ZC3H12B: variants seen among roughly 807,000 people sequenced by gnomAD.
ZC3H12B encodes the protein zinc finger CCCH-type containing 12B.
Under a neutral mutation model 43.9 loss-of-function variants are expected in ZC3H12B, and 7 were observed. The observed-to-expected ratio is 0.16, with a 90% CI of 0.09 to 0.30. The LOEUF (loss-of-function observed/expected upper bound fraction) is 0.30. ZC3H12B is among the 10% of genes least tolerant of loss of function. ZC3H12B has a pLI of 1.00. For synonymous variants in ZC3H12B, 222 were observed against 241.7 expected, an observed-to-expected ratio of 0.92 and a Z score of 0.76; for missense variants, 475 against 670.2, an observed-to-expected ratio of 0.71 and a Z score of 3.22.
chrX:65,161,105 A>T, the ZC3H12B span, among the ~76,000 whole-genome samples: 1 of 110,982 alleles, frequency 9.0e-6, no homozygotes, highest in Non-Finnish European at 1.9e-5. Flanking sequence ...TTCTAGTTTG[A>T]TTGCACTGTG....
intron 4 of ZC3H12B, among the ~76,000 whole-genome samples, chrX:65,500,542 C>T (rs2068350800): frequency 9.0e-6 from 1 of 111,486 alleles, no homozygotes; most frequent in Non-Finnish European, 1.9e-5. Context: ...ATTCTCCTCC[C>T]TCAGCCTCCC....
chrX:65,461,140 T>C (rs1465913948), intron 3 of ZC3H12B, among the ~76,000 whole-genome samples: 4 of 111,666 alleles, frequency 3.6e-5, no homozygotes, highest in Non-Finnish European at 7.5e-5. Flanking sequence ...GAAATGCAAA[T>C]CAAAACCACA....
intron 3 of ZC3H12B, among the ~76,000 whole-genome samples, chrX:65,458,127 G>A (rs2067662962): frequency 1.0e-5 from 1 of 96,566 alleles, no homozygotes; most frequent in Non-Finnish European, 2.1e-5. Context: ...ATTACATAAT[G>A]GTAAAGGGAT....
At chrX:65,313,125 G>C in the ZC3H12B span, among the ~76,000 whole-genome samples, 4 of 111,435 alleles carry the variant, frequency 3.6e-5, no homozygotes, top group South Asian at 1.5e-3. Flanking sequence ...CAAGTGATTC[G>C]CTCATCTTGG....
the ZC3H12B span, among the ~76,000 whole-genome samples, chrX:65,224,690 C>T: frequency 8.9e-6 from 1 of 111,984 alleles, no homozygotes; most frequent in Non-Finnish European, 1.9e-5. Flanking sequence ...ACTTTTCCGA[C>T]GGGCTTAAAA....
the ZC3H12B span, among the ~76,000 whole-genome samples, chrX:65,058,911 T>A: frequency 8.9e-6 from 1 of 112,350 alleles, no homozygotes; most frequent in Non-Finnish European, 1.9e-5. Context: ...TGCCGTTTGC[T>A]AAGACCATTG....
chrX:65,181,222 C>T, the ZC3H12B span, among the ~76,000 whole-genome samples: 1 of 111,401 alleles, frequency 9.0e-6, no homozygotes, highest in African/African-American at 3.3e-5. Context: ...GAAACTGGAC[C>T]CCCTTTTTAT....
chrX:65,331,556 A>C, the ZC3H12B span, among the ~76,000 whole-genome samples: 62 of 101,135 alleles, frequency 6.1e-4, no homozygotes, highest in Non-Finnish European at 1.1e-3. Flanking sequence ...TTTAATGTTT[A>C]TTTATTTATT....
At chrX:65,360,840 G>C in the ZC3H12B span, among the ~76,000 whole-genome samples, 1 of 112,142 alleles carries the variant, frequency 8.9e-6, no homozygotes, top group African/African-American at 3.2e-5. Flanking sequence ...CATTCTATCA[G>C]GCAGAAGAAA....
the ZC3H12B span, among the ~76,000 whole-genome samples, chrX:65,096,930 C>G: frequency 9.0e-6 from 1 of 111,446 alleles, no homozygotes; most frequent in Non-Finnish European, 1.9e-5. Flanking sequence ...GTCCTATAAA[C>G]TTTTCAAGAG....
chrX:65,067,138 G>C, the ZC3H12B span, among the ~76,000 whole-genome samples: 6 of 109,698 alleles, frequency 5.5e-5, no homozygotes, highest in Admixed American at 9.7e-5. Context: ...CCCCTTTCCA[G>C]AGGAGTGAAT....
chrX:65,231,495 C>T, the ZC3H12B span, among the ~76,000 whole-genome samples: 5 of 110,783 alleles, frequency 4.5e-5, no homozygotes, highest in African/African-American at 6.6e-5. Context: ...TTATCTTAAC[C>T]GCGTATCTCA....
chrX:65,173,839 C>T, the ZC3H12B span, among the ~76,000 whole-genome samples: 4 of 111,530 alleles, frequency 3.6e-5, no homozygotes, highest in South Asian at 3.7e-4. Context: ...TTTGCATTGA[C>T]GTTCATCAGG....
chrX:65,432,133 T>C (rs1055729019), intron 3 of ZC3H12B, among the ~76,000 whole-genome samples: 1 of 111,845 alleles, frequency 8.9e-6, no homozygotes, highest in Admixed American at 9.5e-5. Flanking sequence ...ATAACTTACT[T>C]ATGCCTTTAG....
chrX:65,356,543 G>A, the ZC3H12B span, among the ~76,000 whole-genome samples: 1 of 111,261 alleles, frequency 9.0e-6, no homozygotes, highest in Non-Finnish European at 1.9e-5. Context: ...TGTATTAATT[G>A]CCAAAAAAAT....
chrX:65,250,262 G>A, the ZC3H12B span, among the ~76,000 whole-genome samples: 1 of 111,558 alleles, frequency 9.0e-6, no homozygotes, highest in African/African-American at 3.3e-5. Flanking sequence ...CAAAGGAAAT[G>A]AACTCATCCT....
intron 3 of ZC3H12B, among the ~76,000 whole-genome samples, chrX:65,464,507 CT>C (rs750629279): frequency 4.5e-5 from 5 of 109,987 alleles, no homozygotes; most frequent in East Asian, 2.8e-4. Flanking sequence ...TTTATGTCTC[CT>C]TTTTTTTAAT....
chrX:65,403,430 G>A (rs1193864203), intron 3 of ZC3H12B, among the ~76,000 whole-genome samples: 1 of 111,587 alleles, frequency 9.0e-6, no homozygotes, highest in East Asian at 2.8e-4. Context: ...TAATAAAAGA[G>A]ATATTTTCAA....
At chrX:65,244,343 T>A in the ZC3H12B span, among the ~76,000 whole-genome samples, 2 of 110,742 alleles carry the variant, frequency 1.8e-5, no homozygotes, top group Non-Finnish European at 3.8e-5. Flanking sequence ...TGAAAAAATA[T>A]CGTGAGAATT....
Sources: allele counts gnomAD v4.1 joint callset (sites outside exome capture counted in the v4.1 genomes callset), GRCh38; gene constraint gnomAD v4.1.1; transcripts MANE v1.5; gene names NCBI Gene and HGNC (gene_info 2026-07-23, HGNC 2026-07-21).